The following ERC2 variants were observed in gnomAD, a reference collection of about 807,000 sequenced individuals.
The protein encoded by ERC2 is ELKS/RAB6-interacting/CAST family member 2, also known as ERC protein 2.
A neutral mutation model predicts 114.8 loss-of-function variants in ERC2; 42 were observed. That is an observed-to-expected ratio of 0.37 (90% confidence interval 0.29 to 0.47). The LOEUF is 0.47. Ranked by LOEUF, ERC2 falls within the 20% of genes least tolerant of loss-of-function variation. ERC2 has a pLI of 0.99. For missense variants in ERC2, 939 were observed against 1,150.7 expected (o/e 0.82, Z 2.66); for synonymous variants, 454 against 425.5 (o/e 1.07, Z -0.82).
intron 3 of ERC2, among the ~76,000 whole-genome samples, chr3:56,225,923 A>G (rs2050219818): frequency 6.6e-6 from 1 of 152,136 alleles, no homozygotes; most frequent in Admixed American, 6.5e-5. Context: ...CATCCTCAGA[A>G]CCAACAATCT....
rs376773686 is a variant in ERC2 at position 56,377,994 on chromosome 3, C to T, written c.657+56357G>A. On this transcript the variant is annotated intron_variant, in intron 2 of 17. Coordinates refer to ENST00000288221, the MANE Select transcript of ERC2 (RefSeq NM_015576.3). The stretch of plus-strand genomic sequence containing the variant: ...TGAATTTCACATTTTTATCCTGAGT[C>T]ACCAGATCACAAAACCAGCAAGCTC... 3.3e-5 allele frequency among the ~76,000 whole-genome samples: 5 copies of T among 152,318 alleles called. No individual in the cohort carries two copies. The South Asian group carries it at 1.0e-3, about 32-fold the overall frequency.
intron 3 of ERC2, among the ~76,000 whole-genome samples, chr3:56,261,427 A>G (rs1358977489): frequency 6.6e-6 from 1 of 152,206 alleles, no homozygotes; most frequent in East Asian, 1.9e-4. Flanking sequence ...TATAACGTCT[A>G]CAAGAAGGGG....
At chr3:55,601,741 C>T (rs2058416491) in intron 17 of ERC2, among the ~76,000 whole-genome samples, 1 of 152,194 alleles carries the variant, frequency 6.6e-6, no homozygotes, top group Admixed American at 6.5e-5. Context: ...GCAAGAGAAT[C>T]CCTTGAACAC....
intron 17 of ERC2, among the ~76,000 whole-genome samples, chr3:55,549,920 C>A (rs1242993980): frequency 2.4e-5 from 3 of 123,558 alleles, no homozygotes; most frequent in East Asian, 2.3e-4. Flanking sequence ...CCCCCCTCCC[C>A]GACACACACA....
At chr3:55,717,170 T>A (rs762684158) in intron 15 of ERC2, among the ~76,000 whole-genome samples, 1 of 152,188 alleles carries the variant, frequency 6.6e-6, no homozygotes, top group African/African-American at 2.4e-5. Context: ...ACGGACCTTG[T>A]TTTTAAAGAC....
At chr3:55,546,270 C>G (rs779600943) in intron 17 of ERC2, among the ~76,000 whole-genome samples, 2 of 152,222 alleles carry the variant, frequency 1.3e-5, no homozygotes, top group Non-Finnish European at 2.9e-5. Flanking sequence ...CTCCTACCTC[C>G]AGGCCTTTGC....
Position 56,293,463 on chromosome 3 carries a change from C to A in ERC2, c.1074+2556G>T, listed in dbSNP as rs2055221430. 2.0e-5 allele frequency among the ~76,000 whole-genome samples: 3 copies of A among 152,162 alleles called. No individual in the cohort carries two copies. In the South Asian group the frequency reaches 6.2e-4, roughly 32 times the overall value. ...TACACCAAATATGACCAATTCCAGG[C>A]TACGTGTGGTTTAACACCAGGATCA... is the stretch of plus-strand genomic sequence containing the variant. On this transcript the variant is annotated intron_variant, in intron 3 of 17. Transcript: ENST00000288221.
rs759002868 is a variant in ERC2, at chr3:56,296,236, T to C, written c.857A>G (p.Glu286Gly). 1 of 1,613,964 alleles carries C rather than the reference T, an allele frequency of 6.2e-7. No individual in the cohort carries two copies. Among genetic ancestry groups the C allele is most frequent in the South Asian group, 1.1e-5 (1 of 91,084 alleles). Residue 286 changes from glutamate to glycine, a missense_variant, in exon 3 of 18, where the codon GAA becomes GGA. Transcript: ENST00000288221. ...CTGCGTTTCAATTCTCAGCTCCATT[T>C]CCTCTAATGTCTTCCTCAAAAGGAA... ...ELFLLRKTLE[E>G]MELRIETQKQ...
chr3:55,540,080 A>G (rs570110016), intron 17 of ERC2, among the ~76,000 whole-genome samples: 1 of 152,276 alleles, frequency 6.6e-6, no homozygotes, highest in East Asian at 1.9e-4. Flanking sequence ...AGGGCATCTT[A>G]GGGAGTTCTT....
At chr3:55,599,772 T>C (rs960776080) in intron 17 of ERC2, among the ~76,000 whole-genome samples, 1 of 152,224 alleles carries the variant, frequency 6.6e-6, no homozygotes, top group Non-Finnish European at 1.5e-5. Context: ...TGACAATTTT[T>C]TCTACCAAAT....
At chr3:55,830,210 CTG>C (rs1232302667) in intron 14 of ERC2, among the ~76,000 whole-genome samples, 1 of 152,118 alleles carries the variant, frequency 6.6e-6, no homozygotes, top group African/African-American at 2.4e-5. Flanking sequence ...CATAAAGAAA[CTG>C]TCAACTGAGA....
intron 14 of ERC2, among the ~76,000 whole-genome samples, chr3:55,822,604 G>T (rs1260230818): frequency 1.3e-4 from 18 of 133,918 alleles, no homozygotes; most frequent in African/African-American, 5.3e-4. Flanking sequence ...TCGCTCTGTC[G>T]CCCAGGCTGG....
At position 55,509,377 on chromosome 3, in the gene ERC2, C is replaced by T. The variant is rs1256593506; in HGVS notation, c.*1939G>A. 6.6e-6 allele frequency: 1 copy of T among 152,588 alleles called. No individual in the cohort carries two copies. The highest frequency in any genetic ancestry group is 1.5e-5 in the Non-Finnish European group (1 of 68,042). The allele number at this position is 152,588 out of a possible 1,614,324, so 9.5% of individuals were successfully genotyped here. ...TCTTTGAGGACATCCAAACTGTTCACTGGGACACATTTGTGGCCTGGGTTT... is the reference window on the plus strand; with the variant it reads ...TCTTTGAGGACATCCAAACTGTTCATTGGGACACATTTGTGGCCTGGGTTT... On this transcript the variant is annotated 3_prime_UTR_variant, in exon 18 of 18. Transcript: ENST00000288221.
intron 2 of ERC2, among the ~76,000 whole-genome samples, chr3:56,376,896 G>T (rs1288830667): frequency 1.3e-5 from 2 of 152,144 alleles, no homozygotes; most frequent in Non-Finnish European, 2.9e-5. Context: ...GCAATACATG[G>T]GAGGCTATTT....
chr3:55,532,336 C>T (rs944583311), intron 17 of ERC2, among the ~76,000 whole-genome samples: 1 of 152,174 alleles, frequency 6.6e-6, no homozygotes, highest in Non-Finnish European at 1.5e-5. Context: ...TAAGGACCGA[C>T]ACAATATGAT....
At chr3:55,536,925 G>A (rs937025965) in intron 17 of ERC2, among the ~76,000 whole-genome samples, 2 of 152,132 alleles carry the variant, frequency 1.3e-5, no homozygotes, top group African/African-American at 2.4e-5. Context: ...AAGAACTTTC[G>A]CCACATATAA....
At chr3:56,185,748 T>G (rs1256703860) in intron 3 of ERC2, among the ~76,000 whole-genome samples, 1 of 152,206 alleles carries the variant, frequency 6.6e-6, no homozygotes, top group African/African-American at 2.4e-5. Flanking sequence ...CAAAAGAGGC[T>G]TTGTATTTGT....
chr3:55,985,776 T>C (rs1009201018), intron 12 of ERC2, among the ~76,000 whole-genome samples: 1 of 152,224 alleles, frequency 6.6e-6, no homozygotes, highest in African/African-American at 2.4e-5. Context: ...CACTGACTTA[T>C]TTCCATCTTT....
intron 1 of ERC2, among the ~76,000 whole-genome samples, chr3:56,445,936 A>G (rs1212067540): frequency 6.6e-6 from 1 of 151,766 alleles, no homozygotes; most frequent in Non-Finnish European, 1.5e-5. Context: ...AAGACATGCT[A>G]TCTTTTTTCT....
Sources: gnomAD v4.1 joint callset for allele counts (sites outside exome capture counted in the v4.1 genomes callset) on GRCh38, gnomAD v4.1.1 for gene constraint, MANE v1.5 for transcripts, NCBI Gene and HGNC (gene_info 2026-07-23, HGNC 2026-07-21) for gene names.